Variants in ZNF438 observed in about 807,000 individuals in gnomAD.
ZNF438 encodes zinc finger protein 438.
Under a neutral mutation model 38.0 loss-of-function variants are expected in ZNF438, and 25 were observed. The ratio of observed to expected loss-of-function variants is 0.66; its 90% CI spans 0.48 to 0.92. The LOEUF (loss-of-function observed/expected upper bound fraction) is 0.92, where lower values mean the gene tolerates loss of function less well. Among genes scored for constraint, ZNF438 ranks in the 40% least tolerant of loss-of-function variants. The probability of loss-of-function intolerance (pLI) is 0.00; values close to 1 mark genes in which losing one functional copy is unlikely to be tolerated. For synonymous variants in ZNF438, 372 were observed against 364.1 expected (o/e 1.02, Z -0.25); for missense variants, 1,007 against 999.6 (o/e 1.01, Z -0.10).
At chr10:30,960,206 T>C (rs1399448201) in intron 1 of ZNF438, among the ~76,000 whole-genome samples, 1 of 147,396 alleles carries the variant, frequency 6.8e-6, no homozygotes, top group East Asian at 1.9e-4. Flanking sequence ...TTGCAAATAT[T>C]TTCTCCCAGT....
At chr10:31,022,800 A>ACTT (rs1159821186) in intron 1 of ZNF438, among the ~76,000 whole-genome samples, 1 of 152,034 alleles carries the variant, frequency 6.6e-6, no homozygotes, top group South Asian at 2.1e-4. Flanking sequence ...GTCAACCACC[A>ACTT]CTTCTTCAAG....
At chr10:30,981,343 A>G (rs1056499692) in intron 1 of ZNF438, among the ~76,000 whole-genome samples, 1 of 152,194 alleles carries the variant, frequency 6.6e-6, no homozygotes, top group African/African-American at 2.4e-5. Context: ...AAAAGCTGAA[A>G]TAATCCGAAG....
intron 2 of ZNF438, among the ~76,000 whole-genome samples, chr10:30,935,500 C>A (rs967174502): frequency 1.2e-4 from 18 of 152,090 alleles, no homozygotes; most frequent in Admixed American, 9.8e-4. Context: ...TGGAAACGAA[C>A]AGAGCAAGGA....
rs970625955 is a variant in ZNF438 at position 30,937,194 on chromosome 10, G to A, written c.-115+4381C>T. Among the ~76,000 whole-genome samples the A allele has an allele frequency of 1.5e-4, 23 of 152,158 alleles. 1 individual carries two copies. The highest frequency in any genetic ancestry group is 3.1e-4 in the Non-Finnish European group (21 of 68,024). On this transcript the variant is annotated intron_variant, in intron 2 of 5. Transcript: ENST00000413025. ...GGGATGGGCCCAAATGGAGGGTGAG[G>A]GGCTGCATTCCTTGCCAAAGAGAAG...
chr10:30,961,402 C>T (rs1214522444), intron 1 of ZNF438, among the ~76,000 whole-genome samples: 1 of 146,504 alleles, frequency 6.8e-6, no homozygotes, highest in Non-Finnish European at 1.5e-5. Flanking sequence ...CTCAGGCGAT[C>T]CTTCCGCCCC....
chr10:30,880,748 A>G (rs1172001380), intron 3 of ZNF438, among the ~76,000 whole-genome samples: 1 of 152,192 alleles, frequency 6.6e-6, no homozygotes, highest in Non-Finnish European at 1.5e-5. Flanking sequence ...AAAGTAATAA[A>G]CAAACTACTA....
At chr10:30,945,471 A>G (rs2047292926) in intron 1 of ZNF438, among the ~76,000 whole-genome samples, 1 of 150,878 alleles carries the variant, frequency 6.6e-6, no homozygotes, top group Non-Finnish European at 1.5e-5. Flanking sequence ...TTACATACGT[A>G]TACATGTGCC....
Position 30,938,501 on chromosome 10 carries a change from C to T in ZNF438, c.-115+3074G>A, listed in dbSNP as rs370617248. ...ATATTGGTCAGGCTGGTCTCAAACT[C>T]CTGACCTCAGGTGATCTGCCCGCCT... On this transcript the variant is annotated intron_variant, in intron 2 of 5. Transcript: ENST00000413025. Among the ~76,000 whole-genome samples the T allele has an allele frequency of 3.0e-3, 463 of 152,224 alleles. 5 individuals carry two copies. The highest frequency in any genetic ancestry group is 0.01 in the African/African-American group (417 of 41,530).
chr10:30,877,115 T>C (rs867482878), intron 3 of ZNF438, 50 bp from the exon 5 acceptor site: 2 of 1,034,338 alleles, frequency 1.9e-6, no homozygotes, highest in African/African-American at 1.6e-5. Flanking sequence ...TGAGAGAGCA[T>C]GTTAATGCAT....
At chr10:30,866,088 A>T (rs1013414437) in intron 4 of ZNF438, among the ~76,000 whole-genome samples, 1 of 152,234 alleles carries the variant, frequency 6.6e-6, no homozygotes, top group Non-Finnish European at 1.5e-5. Context: ...GTACTCTCAC[A>T]GTGGAACAAC....
At chr10:30,895,690 G>A (rs182600347) in intron 3 of ZNF438, among the ~76,000 whole-genome samples, 97 of 152,220 alleles carry the variant, frequency 6.4e-4, no homozygotes, top group Non-Finnish European at 1.1e-3. Context: ...TAAACAGAGC[G>A]AAGCATTTGT....
intron 2 of ZNF438, 135 bp downstream of exon 3, chr10:30,941,440 A>G (rs2046811665): frequency 6.6e-6 from 1 of 152,182 alleles, no homozygotes; most frequent in Non-Finnish European, 1.5e-5. Context: ...TCCCAAGACC[A>G]GTGATTCAAT....
chr10:30,992,989 C>T (rs769086166), intron 1 of ZNF438, among the ~76,000 whole-genome samples: 40 of 152,162 alleles, frequency 2.6e-4, no homozygotes, highest in Non-Finnish European at 4.7e-4. Flanking sequence ...TGTGTGGTTA[C>T]TTTTTGCTAC....
exon 5 of ZNF438, chr10:30,850,123 A>G: frequency 6.2e-7 from 1 of 1,614,164 alleles, no homozygotes. Context: ...GCAGAGCAAC[A>G]AGAGAAAATG....
intron 1 of ZNF438, among the ~76,000 whole-genome samples, chr10:31,013,523 G>C (rs2055916867): frequency 6.6e-6 from 1 of 152,074 alleles, no homozygotes. Context: ...AAACAAAAGA[G>C]GGGTTATTAG....
chr10:30,999,674 G>A (rs1309193421), intron 1 of ZNF438, among the ~76,000 whole-genome samples: 1 of 152,148 alleles, frequency 6.6e-6, no homozygotes, highest in East Asian at 1.9e-4. Context: ...TGCTATTAAT[G>A]TTAAGGTCAG....
chr10:31,006,733 C>T (rs1389574429), intron 1 of ZNF438, among the ~76,000 whole-genome samples: 2 of 100,208 alleles, frequency 2.0e-5, no homozygotes, highest in Admixed American at 1.7e-4. Context: ...GAAGGCAACC[C>T]GAGTGGTGTC....
intron 1 of ZNF438, among the ~76,000 whole-genome samples, chr10:30,976,048 T>G (rs920138561): frequency 5.3e-5 from 8 of 151,980 alleles, no homozygotes; most frequent in Non-Finnish European, 1.0e-4. Flanking sequence ...TCATATAAAT[T>G]TAAAGTTAAA....
At position 30,958,120 on chromosome 10, in the gene ZNF438, T is replaced by A. The variant is rs942152397; in HGVS notation, c.-191-16469A>T. On this transcript the variant is annotated intron_variant, in intron 1 of 5. Coordinates refer to ENST00000413025, the Ensembl canonical transcript of ZNF438. ...GGGACTGAGTCATACGACCAAAGAA[T>A]AGCATTCCTGGCCTTGTACTTTTGC... Among the ~76,000 whole-genome samples the A allele has an allele frequency of 3.4e-5, 5 of 146,744 alleles. No homozygotes were observed. The East Asian group carries it at 9.6e-4, about 28-fold the overall frequency.
Sources: allele counts gnomAD v4.1 joint callset (sites outside exome capture counted in the v4.1 genomes callset), GRCh38; gene constraint gnomAD v4.1.1; transcripts MANE v1.5; gene names NCBI Gene and HGNC (gene_info 2026-07-23, HGNC 2026-07-21).